The following ALK variants were observed in gnomAD, a reference collection of about 807,000 sequenced individuals.
The protein encoded by ALK is ALK tyrosine kinase receptor.
ALK carries 74 observed loss-of-function variants against 163.1 expected under a neutral mutation model. The observed-to-expected ratio is 0.45, with a 90% CI of 0.38 to 0.55. The LOEUF (loss-of-function observed/expected upper bound fraction) is 0.55, where lower values mean the gene tolerates loss of function less well. Ranked by LOEUF, ALK falls within the 20% of genes least tolerant of loss-of-function variation. ALK has a pLI of 0.00. For missense variants in ALK, 2,063 were observed against 2,105.3 expected (o/e 0.98, Z 0.39); for synonymous variants, 960 against 843.2 (o/e 1.14, Z -2.40).
At chr2:29,573,720 CA>C (rs1443393621) in intron 3 of ALK, among the ~76,000 whole-genome samples, 8 of 152,074 alleles carry the variant, frequency 5.3e-5, no homozygotes, top group African/African-American at 1.9e-4. Flanking sequence ...AGGCCTTTTA[CA>C]AAAACAGCCA....
intron 4 of ALK, among the ~76,000 whole-genome samples, chr2:29,519,242 G>C (rs1672750238): frequency 6.6e-6 from 1 of 152,220 alleles, no homozygotes; most frequent in Non-Finnish European, 1.5e-5. Context: ...TACTGCTGGA[G>C]TCAGGCAAGT....
At position 29,209,835 on chromosome 2, in the gene ALK, C is replaced by T. The variant is rs2148155223; in HGVS notation, c.3787G>A (p.Gly1263Arg). Residue 1263 changes from glycine to arginine, a missense_variant, in exon 25 of 29, where the codon GGA becomes AGA. Gly to Arg is a moderately radical substitution (Grantham distance 125). Around this residue, in one of 5 missense-constraint regions of ALK, gnomAD observed 83 missense variants for 139.7 expected, o/e 0.59. Transcript: ENST00000389048. The stretch of plus-strand genomic sequence containing the variant: ...AAGTCTCCAATCTTGGCCACTCTTC[C>T]AGGGCCTGGACAGGTCAAGAGGCAG... Reference protein sequence around the residue: ...RNCLLTCPGPGRVAKIGDFGM... With the variant: ...RNCLLTCPGPRRVAKIGDFGM... 3 of 1,614,182 alleles carry T rather than the reference C, an allele frequency of 1.9e-6. No individual in the cohort carries two copies. The highest frequency in any genetic ancestry group is 1.7e-6 in the Non-Finnish European group (2 of 1,180,024).
chr2:29,742,338 T>C (rs1573599580), intron 1 of ALK, among the ~76,000 whole-genome samples: 4 of 152,190 alleles, frequency 2.6e-5, no homozygotes, highest in Admixed American at 2.0e-4. Context: ...CTGAACACCC[T>C]TGTGACCAAG....
At chr2:29,683,142 C>T (rs900350972) in intron 3 of ALK, among the ~76,000 whole-genome samples, 11 of 151,954 alleles carry the variant, frequency 7.2e-5, no homozygotes, top group Admixed American at 1.3e-4. Flanking sequence ...TTTGGGTGAC[C>T]GAGGCAGGAG....
chr2:29,401,305 C>T (rs1669440231), intron 4 of ALK, among the ~76,000 whole-genome samples: 1 of 152,120 alleles, frequency 6.6e-6, no homozygotes, highest in African/African-American at 2.4e-5. Flanking sequence ...CTTTCGAATA[C>T]TCCACAACCC....
At chr2:29,527,761 C>T (rs1014810464) in intron 4 of ALK, among the ~76,000 whole-genome samples, 5 of 152,148 alleles carry the variant, frequency 3.3e-5, no homozygotes, top group African/African-American at 4.8e-5. Flanking sequence ...GTGATCCTCC[C>T]GCCTTGGTCT....
intron 5 of ALK, among the ~76,000 whole-genome samples, chr2:29,338,842 A>C (rs1218430488): frequency 6.6e-6 from 1 of 152,152 alleles, no homozygotes; most frequent in Non-Finnish European, 1.5e-5. Flanking sequence ...GCTAGGAATT[A>C]CTCATTCCTT....
intron 3 of ALK, among the ~76,000 whole-genome samples, chr2:29,599,563 G>T (rs1386897064): frequency 6.6e-6 from 1 of 152,192 alleles, no homozygotes; most frequent in African/African-American, 2.4e-5. Flanking sequence ...AGGGCCTGCA[G>T]TACAATGCAG....
intron 2 of ALK, among the ~76,000 whole-genome samples, chr2:29,713,084 C>A (rs1679154699): frequency 6.6e-6 from 1 of 152,180 alleles, no homozygotes; most frequent in African/African-American, 2.4e-5. Flanking sequence ...AGGCCTTCCT[C>A]TTAGCTCCCA....
At chr2:29,893,365 C>T (rs1249021315) in intron 1 of ALK, among the ~76,000 whole-genome samples, 2 of 152,138 alleles carry the variant, frequency 1.3e-5, no homozygotes, top group Admixed American at 6.5e-5. Flanking sequence ...CATGCAGCCT[C>T]AATATCATTT....
At chr2:29,628,022 A>C (rs989956753) in intron 3 of ALK, among the ~76,000 whole-genome samples, 3 of 152,220 alleles carry the variant, frequency 2.0e-5, no homozygotes, top group Non-Finnish European at 4.4e-5. Flanking sequence ...AAACAGGCTT[A>C]ATTTAAGGAG....
intron 26 of ALK, among the ~76,000 whole-genome samples, chr2:29,199,619 C>T (rs1004176426): frequency 6.6e-6 from 1 of 152,188 alleles, no homozygotes; most frequent in Non-Finnish European, 1.5e-5. Context: ...CTGCTTCTTG[C>T]ATTGATACCA....
chr2:29,563,482 G>A (rs754669431), intron 3 of ALK, among the ~76,000 whole-genome samples: 1 of 152,164 alleles, frequency 6.6e-6, no homozygotes, highest in Non-Finnish European at 1.5e-5. Context: ...TGCTCATGTG[G>A]GTCATGGCCT....
In ALK at chr2:29,686,975, G is replaced by A. The variant is rs529354048; in HGVS notation, c.952+7875C>T. On this transcript the variant is annotated intron_variant, in intron 3 of 28. Transcript: ENST00000389048. The stretch of plus-strand genomic sequence containing the variant: ...CCAGGGACTGTATTGCTTGAGAGAC[G>A]AGTGACGTGTTTCTACAAACAGAAC... Among the ~76,000 whole-genome samples, 7 of 152,226 alleles carry A rather than the reference G, an allele frequency of 4.6e-5. No individual in the cohort carries two copies. In the Middle Eastern group the frequency reaches 0.014, roughly 296 times the overall value.
chr2:29,678,529 T>C (rs1305283584), intron 3 of ALK, among the ~76,000 whole-genome samples: 3 of 151,586 alleles, frequency 2.0e-5, no homozygotes, highest in African/African-American at 7.2e-5. Flanking sequence ...ATTTTCTATT[T>C]CCCATGCAAT....
intron 13 of ALK, among the ~76,000 whole-genome samples, chr2:29,237,172 T>A (rs1664407608): frequency 6.6e-6 from 1 of 152,214 alleles, no homozygotes; most frequent in African/African-American, 2.4e-5. Context: ...TCAACCACTT[T>A]TCATCCCCTC....
At chr2:29,801,902 T>C (rs1256389173) in intron 1 of ALK, among the ~76,000 whole-genome samples, 1 of 152,202 alleles carries the variant, frequency 6.6e-6, no homozygotes, top group Admixed American at 6.5e-5. Flanking sequence ...GCAGTACCAC[T>C]GCAGGGCAAA....
intron 4 of ALK, among the ~76,000 whole-genome samples, chr2:29,461,729 C>A (rs1326971032): frequency 1.3e-5 from 2 of 152,148 alleles, no homozygotes; most frequent in Admixed American, 6.5e-5. Context: ...ATATTGTATT[C>A]ATTCCTGCTA....
intron 1 of ALK, among the ~76,000 whole-genome samples, chr2:29,901,026 C>T (rs1031982906): frequency 6.6e-6 from 1 of 150,486 alleles, no homozygotes; most frequent in Non-Finnish European, 1.5e-5. Flanking sequence ...AGCAAGCAAG[C>T]AAGCAAGCTT....
Sources: allele counts gnomAD v4.1 joint callset (sites outside exome capture counted in the v4.1 genomes callset), GRCh38; gene constraint gnomAD v4.1.1; regional missense constraint gnomAD v4.1.1; transcripts MANE v1.5; gene names NCBI Gene and HGNC (gene_info 2026-07-23, HGNC 2026-07-21).